The following CELF2 variants were observed in gnomAD, a reference collection of about 807,000 sequenced individuals.
CELF2 encodes the protein CUG triplet repeat RNA-binding protein 2.
Under a neutral mutation model 62.6 loss-of-function variants are expected in CELF2, and 8 were observed. The ratio of observed to expected loss-of-function variants is 0.13; its 90% CI spans 0.07 to 0.23. CELF2 has a LOEUF of 0.23. Among genes scored for constraint, CELF2 ranks in the 10% least tolerant of loss-of-function variants. The pLI is 1.00. For missense variants in CELF2, 333 were observed against 671.0 expected (o/e 0.50, Z 5.56); for synonymous variants, 258 against 250.0 (o/e 1.03, Z -0.30).
At chr10:11,041,594 G>C (rs946867353) in intron 1 of CELF2, among the ~76,000 whole-genome samples, 6 of 152,332 alleles carry the variant, frequency 3.9e-5, no homozygotes, top group Middle Eastern at 3.4e-3. Context: ...TTAACAATAT[G>C]ATTTATAATT....
At chr10:10,550,674 T>C in the CELF2 span, among the ~76,000 whole-genome samples, 34 of 151,894 alleles carry the variant, frequency 2.2e-4, no homozygotes, top group African/African-American at 8.2e-4. Context: ...TCCATCTGAT[T>C]GGATCCTGGA....
Position 11,249,035 on chromosome 10 carries a change from G to A in CELF2, c.355-118G>A, listed in dbSNP as rs541427236. ...AACATAGTTAATAGTACCTGGAGAA[G>A]TCTTGTTGTCACTTATGTGCCCTTA... On this transcript the variant is annotated intron_variant, in intron 3 of 12. Transcript: ENST00000633077. The A allele has an allele frequency of 3.6e-3, 2,816 of 787,474 alleles. 49 individuals are homozygous for A. The highest frequency in any genetic ancestry group is 6.7e-3 in the South Asian group (444 of 65,866). 48.8% of individuals were successfully genotyped at this position (787,474 alleles called of 1,614,324 possible). A position where few individuals can be genotyped will look rare whatever the true frequency, so the allele number is the denominator to read the frequency against.
At chr10:11,181,644 C>T (rs890594645) in intron 2 of CELF2, among the ~76,000 whole-genome samples, 15 of 152,348 alleles carry the variant, frequency 9.8e-5, no homozygotes, top group African/African-American at 9.6e-5. Flanking sequence ...ATTCCTGTGA[C>T]GCTGTATGCC....
intron 2 of CELF2, among the ~76,000 whole-genome samples, chr10:11,197,723 TCCCAA>T (rs2058319586): frequency 6.6e-6 from 1 of 152,222 alleles, no homozygotes. Context: ...CCATCTTTAT[TCCCAA>T]ATGGGGATCT....
chr10:10,550,894 C>A, the CELF2 span, among the ~76,000 whole-genome samples: 2 of 151,484 alleles, frequency 1.3e-5, no homozygotes, highest in Non-Finnish European at 2.9e-5. Context: ...GATGGGGTTT[C>A]TCCATGTTGA....
At chr10:10,569,293 A>G in the CELF2 span, among the ~76,000 whole-genome samples, 1 of 152,184 alleles carries the variant, frequency 6.6e-6, no homozygotes, top group Non-Finnish European at 1.5e-5. Context: ...GGGAAGGACA[A>G]AGGCATGTCT....
At chr10:10,655,879 C>A in the CELF2 span, among the ~76,000 whole-genome samples, 10 of 134,152 alleles carry the variant, frequency 7.5e-5, no homozygotes, top group African/African-American at 1.1e-4. Flanking sequence ...AATGGGATCT[C>A]ATTAAACTAA....
chr10:11,070,349 A>G (rs112532126), intron 1 of CELF2, among the ~76,000 whole-genome samples: 10 of 152,298 alleles, frequency 6.6e-5, no homozygotes, highest in African/African-American at 2.2e-4. Context: ...GCGGGCACCC[A>G]TGATCCAGGG....
chr10:10,738,229 T>C, the CELF2 span, among the ~76,000 whole-genome samples: 1 of 152,236 alleles, frequency 6.6e-6, no homozygotes, highest in African/African-American at 2.4e-5. Context: ...ACATCTTTTA[T>C]AGTAATTACC....
At chr10:10,932,201 C>G (rs909934516) in intron 2 of CELF2, among the ~76,000 whole-genome samples, 5 of 152,070 alleles carry the variant, frequency 3.3e-5, no homozygotes, top group Admixed American at 2.0e-4. Context: ...CCAAAAGATT[C>G]TACTAAAAAA....
chr10:10,969,216 C>T (rs2050488063), intron 2 of CELF2, among the ~76,000 whole-genome samples: 1 of 152,102 alleles, frequency 6.6e-6, no homozygotes, highest in South Asian at 2.1e-4. Context: ...AAGATTGTGC[C>T]ATTGCACTCC....
At chr10:10,792,991 G>A in the CELF2 span, among the ~76,000 whole-genome samples, 1 of 151,962 alleles carries the variant, frequency 6.6e-6, no homozygotes, top group Admixed American at 6.6e-5. Flanking sequence ...GATTCCAAAT[G>A]AAAAAAGCAT....
intron 1 of CELF2, among the ~76,000 whole-genome samples, chr10:11,163,634 T>TA (rs1443613704): frequency 6.6e-6 from 1 of 152,258 alleles, no homozygotes; most frequent in African/African-American, 2.4e-5. Flanking sequence ...ACATTTTTTA[T>TA]AACAATAAGG....
chr10:10,585,651 T>C, the CELF2 span, among the ~76,000 whole-genome samples: 1 of 152,204 alleles, frequency 6.6e-6, no homozygotes, highest in Non-Finnish European at 1.5e-5. Context: ...ACGCTCCCTT[T>C]GTCATATAAG....
chr10:11,126,442 C>G (rs2058712238), intron 1 of CELF2, among the ~76,000 whole-genome samples: 1 of 152,148 alleles, frequency 6.6e-6, no homozygotes, highest in Non-Finnish European at 1.5e-5. Context: ...TAGACGTTTT[C>G]AAGATGGCAT....
intron 1 of CELF2, among the ~76,000 whole-genome samples, chr10:10,904,693 C>T (rs1349772121): frequency 6.6e-6 from 1 of 152,212 alleles, no homozygotes; most frequent in Non-Finnish European, 1.5e-5. Flanking sequence ...GCGCCTGCCT[C>T]TGGTACACTT....
Position 11,331,027 on chromosome 10 carries a change from TTAGTA to T in CELF2, c.*1977_*1981del, listed in dbSNP as rs1445465609. 15 of 152,580 alleles carry T rather than the reference TTAGTA, an allele frequency of 9.8e-5. No individual in the cohort carries two copies. Among genetic ancestry groups the T allele is most frequent in the African/African-American group, 3.6e-4 (15 of 41,424 alleles). The allele number at this position is 152,580 out of a possible 1,614,324, so 9.5% of individuals were successfully genotyped here. On this transcript the variant is annotated 3_prime_UTR_variant, in exon 13 of 13. Transcript: ENST00000633077. ...TATATATAGAACCACTTTTTGTAGA[TTAGTA>T]TAAGAAAAATATTTACCCTGTTTTG... is the stretch of plus-strand genomic sequence containing the variant.
At chr10:10,890,818 C>T (rs1312066646) in intron 1 of CELF2, among the ~76,000 whole-genome samples, 1 of 152,174 alleles carries the variant, frequency 6.6e-6, no homozygotes, top group East Asian at 1.9e-4. Flanking sequence ...AGTTCAAGAC[C>T]AGCCTGACCA....
the CELF2 span, among the ~76,000 whole-genome samples, chr10:10,766,520 A>G: frequency 1.3e-5 from 2 of 152,278 alleles, no homozygotes; most frequent in Non-Finnish European, 2.9e-5. Context: ...GGGACCTGCC[A>G]CTAGTGTCTG....
Sources: gnomAD v4.1 joint callset for allele counts (sites outside exome capture counted in the v4.1 genomes callset) on GRCh38, gnomAD v4.1.1 for gene constraint, MANE v1.5 for transcripts, NCBI Gene and HGNC (gene_info 2026-07-23, HGNC 2026-07-21) for gene names.